CHSY3: variants seen among roughly 807,000 people sequenced by gnomAD.
CHSY3 encodes N-acetylgalactosaminyl-proteoglycan 3-beta-glucuronosyltransferase 3.
CHSY3 carries 35 observed loss-of-function variants against 67.2 expected under a neutral mutation model. The ratio of observed to expected loss-of-function variants is 0.52; its 90% CI spans 0.40 to 0.69. CHSY3 has a LOEUF of 0.69. Ranked by LOEUF, CHSY3 falls within the 30% of genes least tolerant of loss-of-function variation. The probability of loss-of-function intolerance (pLI) is 0.00; values close to 1 mark genes in which losing one functional copy is unlikely to be tolerated. For synonymous variants in CHSY3, 474 were observed against 434.7 expected, an observed-to-expected ratio of 1.09 and a Z score of -1.12; for missense variants, 1,069 against 1,138.5, an observed-to-expected ratio of 0.94 and a Z score of 0.88.
chr5:129,948,510 G>A (rs1472487518), intron 2 of CHSY3, among the ~76,000 whole-genome samples: 1 of 152,170 alleles, frequency 6.6e-6, no homozygotes, highest in South Asian at 2.1e-4. Context: ...TACTGTGAAT[G>A]CCATTGTATT....
intron 2 of CHSY3, among the ~76,000 whole-genome samples, chr5:130,039,359 G>A (rs1764945844): frequency 6.6e-6 from 1 of 152,082 alleles, no homozygotes; most frequent in South Asian, 2.1e-4. Flanking sequence ...AGGCATGATG[G>A]TGAGTGCCTG....
At chr5:130,142,427 T>A (rs528310487) in intron 2 of CHSY3, among the ~76,000 whole-genome samples, 21 of 152,344 alleles carry the variant, frequency 1.4e-4, no homozygotes, top group African/African-American at 4.8e-4. Context: ...ATTTTTCTTT[T>A]CCAACTGGAA....
chr5:130,006,397 T>A (rs964155999), intron 2 of CHSY3, among the ~76,000 whole-genome samples: 1 of 152,200 alleles, frequency 6.6e-6, no homozygotes, highest in Non-Finnish European at 1.5e-5. Flanking sequence ...CATGAATGTC[T>A]TTAAGCTGTG....
At chr5:130,085,227 G>C (rs896382792) in intron 2 of CHSY3, among the ~76,000 whole-genome samples, 3 of 151,876 alleles carry the variant, frequency 2.0e-5, no homozygotes, top group Admixed American at 6.6e-5. Flanking sequence ...ATTATTATTT[G>C]TCAATAAAAA....
intron 2 of CHSY3, among the ~76,000 whole-genome samples, chr5:129,959,838 G>A (rs1049013885): frequency 6.6e-6 from 1 of 152,028 alleles, no homozygotes; most frequent in African/African-American, 2.4e-5. Context: ...TTTATTGCAA[G>A]TGATGCGTAT....
chr5:129,976,538 G>T (rs1376318938), intron 2 of CHSY3, among the ~76,000 whole-genome samples: 1 of 152,106 alleles, frequency 6.6e-6, no homozygotes, highest in Non-Finnish European at 1.5e-5. Context: ...TTATAAAAGG[G>T]AATGACTGAA....
At chr5:130,093,380 G>GT (rs1766942428) in intron 2 of CHSY3, among the ~76,000 whole-genome samples, 1 of 152,116 alleles carries the variant, frequency 6.6e-6, no homozygotes, top group African/African-American at 2.4e-5. Flanking sequence ...CCACATTGAA[G>GT]TTTTTTGGAA....
At chr5:129,953,397 G>A (rs2149602592) in intron 2 of CHSY3, among the ~76,000 whole-genome samples, 1 of 152,230 alleles carries the variant, frequency 6.6e-6, no homozygotes, top group South Asian at 2.1e-4. Flanking sequence ...CATTTGGGTT[G>A]GTTCCAAGTC....
intron 2 of CHSY3, among the ~76,000 whole-genome samples, chr5:130,093,550 C>G (rs1766947150): frequency 6.6e-6 from 1 of 152,046 alleles, no homozygotes; most frequent in South Asian, 2.1e-4. Flanking sequence ...ATACTAGATG[C>G]TTCATATGCT....
At chr5:130,081,385 G>C (rs1333171173) in intron 2 of CHSY3, among the ~76,000 whole-genome samples, 2 of 150,870 alleles carry the variant, frequency 1.3e-5, no homozygotes, top group African/African-American at 2.4e-5. Context: ...AGACCTTGAG[G>C]CTTCTTCTTC....
intron 2 of CHSY3, among the ~76,000 whole-genome samples, chr5:130,114,799 A>G (rs1767729748): frequency 6.6e-6 from 1 of 152,140 alleles, no homozygotes; most frequent in African/African-American, 2.4e-5. Context: ...TTAGGACGTC[A>G]TCTGGCACTC....
rs114556242 is a variant in CHSY3, at chr5:130,126,992, A to G, written c.1087-57237A>G. 9.8e-3 allele frequency among the ~76,000 whole-genome samples: 1,486 copies of G among 152,294 alleles called. 29 individuals are homozygous for G. Among genetic ancestry groups the G allele is most frequent in the African/African-American group, 0.034 (1,413 of 41,558 alleles). ...GCTAATCCTTTTTGGCTTTGCACCAAGTGAAACATCTTTCAGAGACATGAA... is the reference window on the plus strand; with the variant it reads ...GCTAATCCTTTTTGGCTTTGCACCAGGTGAAACATCTTTCAGAGACATGAA... On this transcript the variant is annotated intron_variant, in intron 2 of 2. Coordinates refer to ENST00000305031, the MANE Select transcript of CHSY3 (RefSeq NM_175856.5).
intron 2 of CHSY3, among the ~76,000 whole-genome samples, chr5:130,050,382 G>T (rs1452086395): frequency 6.6e-6 from 1 of 152,098 alleles, no homozygotes; most frequent in East Asian, 1.9e-4. Flanking sequence ...CATTAGAAAT[G>T]ACATCATCTG....
rs1764369979 is a variant in CHSY3, at chr5:130,020,842, GCT to G, written c.1086+112484_1086+112485del. On this transcript the variant is annotated intron_variant, in intron 2 of 2. Coordinates refer to ENST00000305031, the MANE Select transcript of CHSY3 (RefSeq NM_175856.5). The stretch of plus-strand genomic sequence containing the variant: ...GTCTGTCGAGATGCTTCAAATCTGG[GCT>G]CATGCTTGTCCTTGTGCATGTCTTG... 3.3e-5 allele frequency among the ~76,000 whole-genome samples: 5 copies of G among 152,132 alleles called. No individual in the cohort carries two copies. In the South Asian group the frequency reaches 1.0e-3, roughly 32 times the overall value.
At chr5:129,909,331 T>C (rs1430962223) in intron 2 of CHSY3, among the ~76,000 whole-genome samples, 1 of 152,148 alleles carries the variant, frequency 6.6e-6, no homozygotes, top group Non-Finnish European at 1.5e-5. Flanking sequence ...CCTTTGCTTA[T>C]GTTTTCAAAC....
At chr5:130,079,755 C>G (rs1766386159) in intron 2 of CHSY3, among the ~76,000 whole-genome samples, 2 of 151,984 alleles carry the variant, frequency 1.3e-5, no homozygotes, top group Admixed American at 1.3e-4. Context: ...AAACCAGATA[C>G]TTGTAAGAAG....
chr5:130,123,491 A>G (rs1393831304), intron 2 of CHSY3, among the ~76,000 whole-genome samples: 1 of 152,166 alleles, frequency 6.6e-6, no homozygotes, highest in Non-Finnish European at 1.5e-5. Flanking sequence ...TCCTTCTCCT[A>G]TGATAATTTG....
At chr5:130,025,681 G>A (rs140124211) in intron 2 of CHSY3, among the ~76,000 whole-genome samples, 1 of 152,032 alleles carries the variant, frequency 6.6e-6, no homozygotes, top group Admixed American at 6.6e-5. Context: ...ATAGACAGCT[G>A]TCTTTGGGCT....
At chr5:129,969,449 T>G (rs950277751) in intron 2 of CHSY3, among the ~76,000 whole-genome samples, 2 of 151,862 alleles carry the variant, frequency 1.3e-5, no homozygotes, top group Admixed American at 6.6e-5. Context: ...CTAATTGTAG[T>G]TAAGGCATTT....
Sources: allele counts gnomAD v4.1 joint callset (sites outside exome capture counted in the v4.1 genomes callset), GRCh38; gene constraint gnomAD v4.1.1; transcripts MANE v1.5; gene names NCBI Gene and HGNC (gene_info 2026-07-23, HGNC 2026-07-21).